Variants in NFE2L3 observed in about 807,000 individuals in gnomAD.
NFE2L3 encodes NFE2 like bZIP transcription factor 3.
A neutral mutation model predicts 23.5 loss-of-function variants in NFE2L3; 18 were observed. That is an observed-to-expected ratio of 0.77 (90% CI 0.53 to 1.13). NFE2L3 has a LOEUF of 1.13. NFE2L3 is among the 50% of genes most tolerant of loss of function. The pLI is 0.00. For missense variants in NFE2L3, 1,152 were observed against 877.2 expected (o/e 1.31, Z -3.96); for synonymous variants, 424 against 354.5 (o/e 1.20, Z -2.20).
intron 2 of NFE2L3, among the ~76,000 whole-genome samples, chr7:26,180,854 ATCATTCAAAGCCAGGCATTTGTGCCT>A (rs1784493947): frequency 6.6e-6 from 1 of 152,058 alleles, no homozygotes; most frequent in Non-Finnish European, 1.5e-5. Flanking sequence ...AAACATATTA[ATCATTCAAAGCCAGGCATTTGTGCCT>A]AATTCTTATC....
chr7:26,178,285 T>A (rs866208480), intron 2 of NFE2L3, among the ~76,000 whole-genome samples, 163 bp downstream of exon 2: 42 of 152,232 alleles, frequency 2.8e-4, no homozygotes, highest in African/African-American at 8.9e-4. Flanking sequence ...GAGTAGTAAT[T>A]TGATTTATAA....
chr7:26,166,540 C>T (rs1028877856), intron 1 of NFE2L3, among the ~76,000 whole-genome samples: 3 of 152,216 alleles, frequency 2.0e-5, no homozygotes, highest in African/African-American at 4.8e-5. Context: ...TGACTTAAGG[C>T]AAGCTGTTTA....
chr7:26,183,477 G>GGCAGAGGGT (rs1385009875), intron 2 of NFE2L3, among the ~76,000 whole-genome samples: 1 of 143,968 alleles, frequency 6.9e-6, no homozygotes, highest in Non-Finnish European at 1.6e-5. Context: ...GAACCTGGGA[G>GGCAGAGGGT]GCAGAGGGTG....
intron 1 of NFE2L3, among the ~76,000 whole-genome samples, chr7:26,165,520 T>C (rs1274885693): frequency 1.3e-5 from 2 of 152,260 alleles, no homozygotes; most frequent in African/African-American, 2.4e-5. Flanking sequence ...TTTGCTCAAG[T>C]TGCTTATCAG....
intron 2 of NFE2L3, 93 bp downstream of exon 2, chr7:26,178,215 C>T (rs1312918325): frequency 9.7e-7 from 1 of 1,026,750 alleles, no homozygotes; most frequent in African/African-American, 1.6e-5. Context: ...GCATGTAAAA[C>T]AGTATGCTCT....
intron 1 of NFE2L3, chr7:26,173,945 A>C (rs901470335): frequency 1.3e-5 from 2 of 152,226 alleles, no homozygotes; most frequent in African/African-American, 4.8e-5. Flanking sequence ...TAAGGGAAAA[A>C]GATTTTGATG....
At chr7:26,183,027 T>C (rs1010582901) in intron 2 of NFE2L3, among the ~76,000 whole-genome samples, 1 of 152,016 alleles carries the variant, frequency 6.6e-6, no homozygotes, top group Non-Finnish European at 1.5e-5. Context: ...GCTCAGGCGA[T>C]CTGCCTGCTT....
In NFE2L3 at chr7:26,184,861, T is replaced by C. The variant is rs149869636; in HGVS notation, c.1163T>C (p.Ile388Thr). 4 of 1,613,826 alleles carry C rather than the reference T, an allele frequency of 2.5e-6. No homozygotes were observed. The highest frequency in any genetic ancestry group is 3.4e-6 in the Non-Finnish European group (4 of 1,179,844). ...QDLLYDLDINIFDEINLMSLA... is the reference protein window; with the variant it reads ...QDLLYDLDINTFDEINLMSLA... ...CTACTGTATGACCTTGACATAAATA[T>C]ATTTGATGAGATAAACTTAATGTCA... Residue 388 changes from isoleucine to threonine, a missense_variant, in exon 4 of 4, where the codon ATA becomes ACA. Transcript: ENST00000056233.
chr7:26,154,922 T>A (rs1784059009), intron 1 of NFE2L3, among the ~76,000 whole-genome samples: 1 of 152,188 alleles, frequency 6.6e-6, no homozygotes, highest in Admixed American at 6.5e-5. Context: ...CCAGCTTTCC[T>A]AGGGGAGAGA....
At chr7:26,171,071 T>C (rs1043206632) in intron 1 of NFE2L3, among the ~76,000 whole-genome samples, 2 of 152,178 alleles carry the variant, frequency 1.3e-5, no homozygotes, top group African/African-American at 4.8e-5. Flanking sequence ...GGAATTATAA[T>C]TGGCACAAAC....
intron 1 of NFE2L3, among the ~76,000 whole-genome samples, chr7:26,163,340 C>T (rs1325725692): frequency 2.0e-5 from 3 of 151,966 alleles, no homozygotes; most frequent in Non-Finnish European, 4.4e-5. Context: ...AAAGAAATTC[C>T]CAAGGATTCT....
At position 26,183,605 on chromosome 7, in the gene NFE2L3, G is replaced by C. The variant is rs1452934356; in HGVS notation, c.751-96G>C. ...ACATAATAGCATAAAAATCCAGTGT[G>C]GAAATAATACCTGGTGATCCTTTAA... On this transcript the variant is annotated intron_variant, in intron 2 of 3. Transcript: ENST00000056233. The C allele has an allele frequency of 4.0e-6, 3 of 748,426 alleles. No homozygotes were observed. The African/African-American group carries it at 5.3e-5, about 13-fold the overall frequency. 46.4% of individuals were successfully genotyped at this position (748,426 alleles called of 1,614,324 possible).
chr7:26,181,287 T>C (rs1433041856), intron 2 of NFE2L3, among the ~76,000 whole-genome samples: 2 of 152,192 alleles, frequency 1.3e-5, no homozygotes, highest in Non-Finnish European at 2.9e-5. Flanking sequence ...ACATTTCTTA[T>C]AGTAGCTCTG....
Position 26,186,079 on chromosome 7 carries a change from G to A in NFE2L3, c.*296G>A, listed in dbSNP as rs1018999590. ...CCCAGTAAGACTTTCCATCTTGGCA[G>A]CCATCCTTTTTAAGAGTAAGTTGGT... On this transcript the variant is annotated 3_prime_UTR_variant, in exon 4 of 4. Transcript: ENST00000056233. 1.1e-4 allele frequency: 25 copies of A among 236,618 alleles called. No individual in the cohort carries two copies. Among genetic ancestry groups the A allele is most frequent in the Non-Finnish European group, 1.9e-4 (24 of 123,304 alleles). 14.7% of individuals were successfully genotyped at this position (236,618 alleles called of 1,614,324 possible). A position where few individuals can be genotyped will look rare whatever the true frequency, so the allele number is the denominator to read the frequency against.
chr7:26,162,827 C>T (rs1235132834), intron 1 of NFE2L3, among the ~76,000 whole-genome samples: 1 of 151,950 alleles, frequency 6.6e-6, no homozygotes, highest in East Asian at 1.9e-4. Context: ...ATCCTCCCAC[C>T]TCAGCCTACT....
rs1465926385 is a variant in NFE2L3, at chr7:26,186,093, G to GAGTA, written c.*314_*317dup. ...CCATCTTGGCAGCCATCCTTTTTAA[G>GAGTA]AGTAAGTTGGTTACTTCAAAAAGAG... On this transcript the variant is annotated 3_prime_UTR_variant, in exon 4 of 4. Coordinates refer to ENST00000056233, the MANE Select transcript of NFE2L3 (RefSeq NM_004289.7). The GAGTA allele has an allele frequency of 1.1e-4, 25 of 220,490 alleles. No individual in the cohort carries two copies. The highest frequency in any genetic ancestry group is 1.6e-3 in the Middle Eastern group (1 of 630). The allele number at this position is 220,490 out of a possible 1,614,324, so 13.7% of individuals were successfully genotyped here.
chr7:26,184,734 A>C lies in NFE2L3; in HGVS notation c.1036A>C (p.Asn346His). 6.2e-7 allele frequency: 1 copy of C among 1,613,946 alleles called. No homozygotes were observed. The highest frequency in any genetic ancestry group is 1.1e-5 in the South Asian group (1 of 91,050). The change falls in exon 4 of 4, where the codon AAT (asparagine) becomes CAT (histidine). Residue 346 changes from asparagine to histidine, a missense_variant. Asn to His is a moderately conservative substitution (Grantham distance 68). Transcript: ENST00000056233. ...SQSQEPFLQLNSHTTNPEQTL... is the reference protein window; with the variant it reads ...SQSQEPFLQLHSHTTNPEQTL... ...GTCACAAGAACCATTTCTGCAGTTA[A>C]ATTCTCATACCACCAATCCTGAGCA...
intron 1 of NFE2L3, among the ~76,000 whole-genome samples, chr7:26,163,195 G>A (rs949829896): frequency 4.6e-5 from 7 of 152,062 alleles, no homozygotes; most frequent in Admixed American, 3.3e-4. Context: ...AAGGAGAAGA[G>A]AAAAACCAAG....
rs1465926109 is a variant in NFE2L3, at chr7:26,185,316, C to T, written c.1618C>T (p.Gln540Ter). The T allele has an allele frequency of 2.5e-6, 4 of 1,613,964 alleles. No homozygotes were observed. Among genetic ancestry groups the T allele is most frequent in the African/African-American group, 1.3e-5 (1 of 74,902 alleles). ...DTDRNLSRDE[Q>*]RAKALHIPFS... is the part of the protein sequence containing the mutation. ...AGATAGAAACTTGAGCCGTGATGAACAGCGTGCTAAAGCTTTGCATATCCC... is the reference window on the plus strand; with the variant it reads ...AGATAGAAACTTGAGCCGTGATGAATAGCGTGCTAAAGCTTTGCATATCCC... Residue 540 changes from glutamine to a stop codon, truncating the protein, a stop_gained, in exon 4 of 4, where the codon CAG (glutamine) becomes TAG (stop). Transcript: ENST00000056233. LOFTEE classifies it low-confidence loss of function (END_TRUNC).
Sources: gnomAD v4.1 joint callset for allele counts (sites outside exome capture counted in the v4.1 genomes callset) on GRCh38, gnomAD v4.1.1 for gene constraint, MANE v1.5 for transcripts, NCBI Gene and HGNC (gene_info 2026-07-23, HGNC 2026-07-21) for gene names.